The following NFIA variants were observed in gnomAD, a reference collection of about 807,000 sequenced individuals.
NFIA encodes nuclear factor I A.
A neutral mutation model predicts 62.8 loss-of-function variants in NFIA; 8 were observed. The observed-to-expected ratio is 0.13, with a 90% CI of 0.07 to 0.23. The LOEUF (loss-of-function observed/expected upper bound fraction) is 0.23, where lower values mean the gene tolerates loss of function less well. Among genes scored for constraint, NFIA ranks in the 10% least tolerant of loss-of-function variants. The probability of loss-of-function intolerance (pLI) is 1.00; values close to 1 mark genes in which losing one functional copy is unlikely to be tolerated. For missense variants in NFIA, 410 were observed against 642.1 expected, an observed-to-expected ratio of 0.64 and a Z score of 3.91; for synonymous variants, 235 against 238.1, an observed-to-expected ratio of 0.99 and a Z score of 0.12.
intron 2 of NFIA, among the ~76,000 whole-genome samples, chr1:61,240,966 G>A (rs528643848): frequency 6.0e-5 from 9 of 149,118 alleles, no homozygotes; most frequent in Middle Eastern, 6.8e-3. Context: ...GTCTTTTGGG[G>A]TTTGTTTTTT....
At chr1:61,441,298 T>TGTGC (rs1435826063) in intron 10 of NFIA, among the ~76,000 whole-genome samples, 1 of 93,098 alleles carries the variant, frequency 1.1e-5, no homozygotes, top group Non-Finnish European at 2.3e-5. Context: ...CAGGGGTGTG[T>TGTGC]GTGTGTGTGT....
chr1:61,257,124 A>G (rs1367894113), intron 2 of NFIA, among the ~76,000 whole-genome samples: 3 of 152,016 alleles, frequency 2.0e-5, no homozygotes, highest in African/African-American at 7.2e-5. Flanking sequence ...CTATTCAGCC[A>G]GAGGAAAACC....
At chr1:61,289,471 C>CA (rs1658726884) in intron 3 of NFIA, among the ~76,000 whole-genome samples, 1 of 152,160 alleles carries the variant, frequency 6.6e-6, no homozygotes, top group Admixed American at 6.5e-5. Flanking sequence ...GTCAAGAAGG[C>CA]ATAAAGGGTA....
intron 10 of NFIA, among the ~76,000 whole-genome samples, chr1:61,446,043 C>G (rs1321242572): frequency 6.6e-6 from 1 of 151,982 alleles, no homozygotes; most frequent in Non-Finnish European, 1.5e-5. Flanking sequence ...AAAAATGATT[C>G]CTGGCACCAG....
At chr1:61,423,574 A>C (rs954676161) in intron 9 of NFIA, among the ~76,000 whole-genome samples, 3 of 152,198 alleles carry the variant, frequency 2.0e-5, no homozygotes, top group Non-Finnish European at 2.9e-5. Context: ...CATAGTATAC[A>C]CAGTTGTATG....
chr1:61,400,402 A>G (rs1665492921), intron 7 of NFIA, among the ~76,000 whole-genome samples: 1 of 152,058 alleles, frequency 6.6e-6, no homozygotes, highest in Admixed American at 6.6e-5. Context: ...TGTTTCTGAC[A>G]CTCTCTGCTG....
chr1:61,142,029 T>A (rs1300259755), intron 2 of NFIA, among the ~76,000 whole-genome samples: 5 of 152,128 alleles, frequency 3.3e-5, no homozygotes, highest in Non-Finnish European at 7.4e-5. Context: ...GGTAAACAGT[T>A]AAAATAGAAA....
chr1:61,286,405 G>A (rs546743671), intron 3 of NFIA, among the ~76,000 whole-genome samples: 7 of 146,718 alleles, frequency 4.8e-5, no homozygotes, highest in African/African-American at 1.3e-4. Context: ...TCCAGCCTGG[G>A]TGACCGAGCG....
chr1:61,176,897 G>T (rs1034219210), intron 2 of NFIA, among the ~76,000 whole-genome samples: 2 of 152,110 alleles, frequency 1.3e-5, no homozygotes, highest in Admixed American at 1.3e-4. Context: ...GAGGTCAGGA[G>T]ATCGAGACCA....
rs1210295650 is a variant in NFIA, at chr1:61,200,026, A to G, written c.560-77494A>G. On this transcript the variant is annotated intron_variant, in intron 2 of 10. Transcript: ENST00000403491. ...TATATATATGTATATATATATATAT[A>G]TATATATATATATATATATATATAT... is the stretch of plus-strand genomic sequence containing the variant. Among the ~76,000 whole-genome samples the G allele has an allele frequency of 5.8e-3, 213 of 37,008 alleles. 8 individuals are homozygous for G. The highest frequency in any genetic ancestry group is 0.014 in the African/African-American group (95 of 6,560). 24.3% of individuals were successfully genotyped at this position (37,008 alleles called of 152,430 possible).
Position 61,277,501 on chromosome 1 carries a change from G to T in NFIA, c.560-19G>T, listed in dbSNP as rs199937158. 38 of 1,612,930 alleles carry T rather than the reference G, an allele frequency of 2.4e-5. No individual in the cohort carries two copies. The highest frequency in any genetic ancestry group is 3.1e-5 in the Non-Finnish European group (37 of 1,179,406). On this transcript the variant is annotated intron_variant, in intron 2 of 10. Transcript: ENST00000403491. ...CTTGCAGACCCTGTAATTTTTGGCT[G>T]TATTTTTATGTTTTTCAGATTCAAG...
At chr1:61,329,338 C>A (rs1026784774) in intron 3 of NFIA, among the ~76,000 whole-genome samples, 1 of 151,106 alleles carries the variant, frequency 6.6e-6, no homozygotes, top group Non-Finnish European at 1.5e-5. Context: ...GAGCCACTGC[C>A]CCCGGCCTGA....
chr1:61,272,099 T>C (rs1657540844), intron 2 of NFIA, among the ~76,000 whole-genome samples: 1 of 152,230 alleles, frequency 6.6e-6, no homozygotes, highest in Admixed American at 6.5e-5. Context: ...TAATCATAAT[T>C]GCATATTTTC....
chr1:61,280,519 G>C (rs1209729828), intron 3 of NFIA, among the ~76,000 whole-genome samples: 1 of 152,130 alleles, frequency 6.6e-6, no homozygotes, highest in Non-Finnish European at 1.5e-5. Context: ...TCTTGAGAAA[G>C]GTAATGGGAA....
intron 4 of NFIA, among the ~76,000 whole-genome samples, chr1:61,339,326 A>C (rs1404348244): frequency 6.6e-6 from 1 of 152,192 alleles, no homozygotes; most frequent in African/African-American, 2.4e-5. Context: ...AAAAATCATA[A>C]TGTCTATTTC....
At chr1:61,224,055 G>GA (rs1386402992) in intron 2 of NFIA, among the ~76,000 whole-genome samples, 1 of 151,988 alleles carries the variant, frequency 6.6e-6, no homozygotes, top group East Asian at 1.9e-4. Context: ...TGATAAGATA[G>GA]AATTTTACTT....
chr1:61,259,652 G>A lies in NFIA; in HGVS notation c.560-17868G>A, dbSNP rs567926342. ...AAGGATGGAATCCTAAATTTAAGAC[G>A]GAGATCTGTGCTGTATACATGTGAC... On this transcript the variant is annotated intron_variant, in intron 2 of 10. Coordinates refer to ENST00000403491, the MANE Select transcript of NFIA (RefSeq NM_001134673.4). 5.9e-5 allele frequency among the ~76,000 whole-genome samples: 9 copies of A among 152,180 alleles called. No homozygotes were observed. The East Asian group carries it at 1.5e-3, about 26-fold the overall frequency.
At chr1:61,245,872 G>A (rs1333416028) in intron 2 of NFIA, among the ~76,000 whole-genome samples, 1 of 152,122 alleles carries the variant, frequency 6.6e-6, no homozygotes, top group Non-Finnish European at 1.5e-5. Flanking sequence ...AAGAGTCCAA[G>A]ACAGAAATTC....
chr1:61,418,092 A>G (rs1489050565), intron 9 of NFIA, among the ~76,000 whole-genome samples: 1 of 152,232 alleles, frequency 6.6e-6, no homozygotes, highest in Non-Finnish European at 1.5e-5. Context: ...CTGTCTCCAA[A>G]AAAAGTATTA....
Sources: allele counts gnomAD v4.1 joint callset (sites outside exome capture counted in the v4.1 genomes callset), GRCh38; gene constraint gnomAD v4.1.1; transcripts MANE v1.5; gene names NCBI Gene and HGNC (gene_info 2026-07-23, HGNC 2026-07-21).